Variants in TTN observed in about 807,000 individuals in gnomAD.
TTN encodes the protein titin.
Under a neutral mutation model 3,223.0 loss-of-function variants are expected in TTN, and 1,525 were observed. The observed-to-expected ratio is 0.47, with a 90% CI of 0.45 to 0.49. TTN has a LOEUF of 0.49. Among genes scored for constraint, TTN ranks in the 20% least tolerant of loss-of-function variants. TTN has a pLI of 0.00. For synonymous variants in TTN, 14,094 were observed against 15,161.0 expected (o/e 0.93, Z 5.17); for missense variants, 40,786 against 43,424.0 (o/e 0.94, Z 5.40).
rs1710160121 is a variant in TTN, at chr2:178,576,466, G to A, written c.69716-50C>T. The A allele has an allele frequency of 1.3e-6, 2 of 1,592,350 alleles. No individual in the cohort carries two copies. The highest frequency in any genetic ancestry group is 1.7e-6 in the Non-Finnish European group (2 of 1,174,586). ...AGTATATATTCAGAGTTTGGCTTTT[G>A]GGTAATTTAGATAAAATATTGGCAC... On this transcript the variant is annotated intron_variant, in intron 325 of 362. Coordinates refer to ENST00000589042, the MANE Select transcript of TTN (RefSeq NM_001267550.2). This position sits in a 1 kb window ranked among gnomAD's most constrained non-coding sequence, Gnocchi z 4.3.
At chr2:178,692,782 T>C (rs1200492836) in intron 119 of TTN, among the ~76,000 whole-genome samples, 2 of 152,234 alleles carry the variant, frequency 1.3e-5, no homozygotes, top group Non-Finnish European at 1.5e-5. Context: ...CAGAAGCCTC[T>C]ACTTTGTCAG....
chr2:178,542,411 G>T lies in TTN; in HGVS notation c.97345C>A (p.Pro32449Thr), dbSNP rs1248314451. The change falls in exon 349 of 363, where the codon CCC becomes ACC. Residue 32449 changes from proline to threonine, a missense_variant. Coordinates refer to ENST00000589042, the MANE Select transcript of TTN (RefSeq NM_001267550.2). Reference protein sequence around the residue: ...QRDAHRPGWLPVSESVTRSTF... With the variant: ...QRDAHRPGWLTVSESVTRSTF... ...GACCTAGTCACTGATTCAGAAACGG[G>T]CAGCCATCCTGGACGATGAGCGTCA... The T allele has an allele frequency of 9.9e-6, 16 of 1,613,504 alleles. No individual in the cohort carries two copies. The highest frequency in any genetic ancestry group is 1.4e-5 in the Non-Finnish European group (16 of 1,179,710).
intron 238 of TTN, 109 bp from the exon 239 acceptor site, chr2:178,630,476 A>C (rs1265167960): frequency 7.6e-7 from 1 of 1,314,556 alleles, no homozygotes; most frequent in African/African-American, 1.5e-5. Context: ...ATGGTGATGA[A>C]ACTTTATATA....
In TTN at chr2:178,533,562, G is replaced by A. The variant is rs3731753; in HGVS notation, c.103053C>T (p.Thr34351=). 3.1e-4 allele frequency: 493 copies of A among 1,613,890 alleles called. 3 individuals are homozygous for A. In the East Asian group the frequency reaches 0.01, roughly 33 times the overall value. ...TACTATCTGTTGGAGGTGGGTGTAG[G>A]GTTACTGTCAGCTTTGCTTTACAGC... ...EDSCKAKLTV[T]LHPPPTDSTL... The change falls in exon 358 of 363, where the codon ACC becomes ACT. Residue 34351 remains threonine (T), a synonymous_variant. Coordinates refer to ENST00000589042, the MANE Select transcript of TTN (RefSeq NM_001267550.2).
At chr2:178,658,038 A>C in intron 186 of TTN, 39 bp downstream of exon 186, 1 of 1,555,932 alleles carries the variant, frequency 6.4e-7, no homozygotes, top group East Asian at 2.2e-5. Flanking sequence ...AGGAGAGGAG[A>C]TATCTCTTCT....
chr2:178,799,527 G>A lies in TTN; in HGVS notation c.874C>T (p.Pro292Ser). The A allele has an allele frequency of 6.2e-7, 1 of 1,614,162 alleles. No individual in the cohort carries two copies. The highest frequency in any genetic ancestry group is 8.5e-7 in the Non-Finnish European group (1 of 1,180,026). Residue 292 changes from proline (P) to serine (S), a missense_variant, in exon 6 of 363, where the codon CCG (proline) becomes TCG (serine). Physicochemically the swap from Pro to Ser is moderately conservative, Grantham distance 74. Transcript: ENST00000589042. The stretch of plus-strand genomic sequence containing the variant: ...GTCGGTGCCCGCACGTGTCTGACCG[G>A]GGAAGGGGAGTGTCTTATGGGCGAT... ...SPSPIRHSPS[P>S]VRHVRAPTPS...
rs1180389290 is a variant in TTN at position 178,575,012 on chromosome 2, G to C, written c.71120C>G (p.Thr23707Arg). ...AACCTCTCCTACAATGTTCCTTGCT[G>C]TTAATGGATAGGGCCCACTATCACT... Reference protein sequence around the residue: ...VRSDSGPYPLTARNIVGEVGD... With the variant: ...VRSDSGPYPLRARNIVGEVGD... The change falls in exon 326 of 363, where the codon ACA becomes AGA. Residue 23707 changes from threonine (T) to arginine (R), a missense_variant. Coordinates refer to ENST00000589042, the MANE Select transcript of TTN (RefSeq NM_001267550.2). This position sits in a 1 kb window ranked among gnomAD's most constrained non-coding sequence, Gnocchi z 4.0. 6.2e-7 allele frequency: 1 copy of C among 1,613,286 alleles called. No individual in the cohort carries two copies. The highest frequency in any genetic ancestry group is 8.5e-7 in the Non-Finnish European group (1 of 1,179,620).
Position 178,621,592 on chromosome 2 carries a change from T to C in TTN, c.45232A>G (p.Ile15078Val). 1 of 1,612,528 alleles carries C rather than the reference T, an allele frequency of 6.2e-7. No homozygotes were observed. The highest frequency in any genetic ancestry group is 8.5e-7 in the Non-Finnish European group (1 of 1,179,086). ...ATTCTCTTCCGTCCTTCAGTCAGTA[T>C]TTCATATCTTCCTGTTTCAATGATC... is the stretch of plus-strand genomic sequence containing the variant. ...EEIIETGRYE[I>V]LTEGRKRILV... The change falls in exon 245 of 363, where the codon ATA becomes GTA. Residue 15078 changes from isoleucine to valine, a missense_variant. Coordinates refer to ENST00000589042, the MANE Select transcript of TTN (RefSeq NM_001267550.2).
chr2:178,776,027 C>T lies in TTN; in HGVS notation c.5837G>A (p.Arg1946Lys), dbSNP rs528704132. The T allele has an allele frequency of 1.2e-6, 2 of 1,614,138 alleles. No homozygotes were observed. Among genetic ancestry groups the T allele is most frequent in the African/African-American group, 2.7e-5 (2 of 75,026 alleles). Residue 1946 changes from arginine to lysine, a missense_variant, in exon 28 of 363, where the codon AGG (arginine) becomes AAG (lysine). Transcript: ENST00000589042. ...TGGTTCATGTACGTGAAACTCAGGC[C>T]TTGGTTCAGGAGCTCTCCTAAGGAC... is the stretch of plus-strand genomic sequence containing the variant. ...RSVLRRAPEP[R>K]PEFHVHEPGK...
chr2:178,692,685 T>A, intron 119 of TTN, 105 bp from the exon 120 acceptor site: 1 of 796,538 alleles, frequency 1.3e-6, no homozygotes, highest in Non-Finnish European at 1.9e-6. Context: ...ACCAACTGAA[T>A]GCAAGAAAAT....
intron 47 of TTN, among the ~76,000 whole-genome samples, chr2:178,744,110 T>A (rs554214228): frequency 6.6e-6 from 1 of 151,920 alleles, no homozygotes; most frequent in African/African-American, 2.4e-5. Flanking sequence ...CTTTTGAAAA[T>A]TAAATTTAAA....
In TTN at chr2:178,557,372, A is replaced by T. The variant is rs373621460; in HGVS notation, c.87890T>A (p.Phe29297Tyr). Residue 29297 changes from phenylalanine (F) to tyrosine (Y), a missense_variant, in exon 329 of 363, where the codon TTC (phenylalanine) becomes TAC (tyrosine). Physicochemically the swap from Phe to Tyr is conservative, Grantham distance 22. Transcript: ENST00000589042. ...ANKLVIRTTH[F>Y]KVTTISAGLI... Reference sequence around the variant, plus strand: ...TCCAGCACTGATTGTTGTGACTTTGAAGTGAGTTGTGCGGATGACCAGTTT... The same window carrying T: ...TCCAGCACTGATTGTTGTGACTTTGTAGTGAGTTGTGCGGATGACCAGTTT... 6.2e-7 allele frequency: 1 copy of T among 1,613,944 alleles called. No homozygotes were observed. The highest frequency in any genetic ancestry group is 8.5e-7 in the Non-Finnish European group (1 of 1,179,854).
chr2:178,704,703 A>T lies in TTN; in HGVS notation c.29769T>A (p.Ile9923=). Residue 9923 remains isoleucine (I), a synonymous_variant, in exon 105 of 363, where the codon ATT becomes ATA. Coordinates refer to ENST00000589042, the MANE Select transcript of TTN (RefSeq NM_001267550.2). Reference sequence around the variant, plus strand: ...GCTTGATTTCTGGATAATTAATTTTAATGTCAATTTCAAAGACAGCATCAT... The same window carrying T: ...GCTTGATTTCTGGATAATTAATTTTTATGTCAATTTCAAAGACAGCATCAT... ...KDNDAVFEID[I]KINYPEIKLS... 1 of 1,611,540 alleles carries T rather than the reference A, an allele frequency of 6.2e-7. No individual in the cohort carries two copies. Among genetic ancestry groups the T allele is most frequent in the Non-Finnish European group, 8.5e-7 (1 of 1,179,126 alleles).
At chr2:178,783,087 A>C (rs757367889) in intron 17 of TTN, 23 bp from the exon 18 acceptor site, 5 of 1,612,424 alleles carry the variant, frequency 3.1e-6, no homozygotes, top group Non-Finnish European at 4.2e-6. Flanking sequence ...GAAAAAATAA[A>C]TAATGATACG....
At position 178,620,088 on chromosome 2, in the gene TTN, A is replaced by G. The variant is rs1232874309; in HGVS notation, c.46329T>C (p.Ser15443=). 2 of 1,610,494 alleles carry G rather than the reference A, an allele frequency of 1.2e-6. No individual in the cohort carries two copies. The highest frequency in any genetic ancestry group is 1.7e-5 in the Admixed American group (1 of 59,580). The change falls in exon 249 of 363, where the codon AGT becomes AGC. Residue 15443 remains serine, a synonymous_variant. Coordinates refer to ENST00000589042, the MANE Select transcript of TTN (RefSeq NM_001267550.2). ...GKKYKFEKDG[S]IHRLIIKDCR... Reference sequence around the variant, plus strand: ...AATCTTTTATAATGAGTCTGTGTATACTTCCATCTTTTTCAAATTTGTATC... The same window carrying G: ...AATCTTTTATAATGAGTCTGTGTATGCTTCCATCTTTTTCAAATTTGTATC...
chr2:178,794,093 T>C lies in TTN; in HGVS notation c.1398+306A>G, dbSNP rs192505966. Among the ~76,000 whole-genome samples the C allele has an allele frequency of 2.0e-5, 3 of 152,348 alleles. No homozygotes were observed. In the East Asian group the frequency reaches 5.8e-4, roughly 29 times the overall value. ...GCAGTGACTGAGCTCTGGAATTGAC[T>C]GGTCTCTGTTTCTCTGGCCACTCTT... On this transcript the variant is annotated intron_variant, in intron 8 of 362. Transcript: ENST00000589042.
At chr2:178,783,879 TATAAAA>T (rs1209014382) in intron 16 of TTN, 94 bp from the exon 17 acceptor site, 1 of 1,018,774 alleles carries the variant, frequency 9.8e-7, no homozygotes, top group African/African-American at 1.7e-5. Context: ...ATTATAAAAA[TATAAAA>T]ATAATTATAA....
chr2:178,625,448 G>A, intron 240 of TTN, 52 bp from the exon 241 acceptor site: 2 of 1,463,470 alleles, frequency 1.4e-6, no homozygotes, highest in Middle Eastern at 1.8e-4. Context: ...GTATATGGGT[G>A]CATTTAATTC....
Position 178,570,849 on chromosome 2 carries a change from C to T in TTN, c.75283G>A (p.Glu25095Lys). The change falls in exon 326 of 363, where the codon GAA (glutamate) becomes AAA (lysine). Residue 25095 changes from glutamate to lysine, a missense_variant. By Grantham distance (56) the Glu-to-Lys change is moderately conservative. Coordinates refer to ENST00000589042, the MANE Select transcript of TTN (RefSeq NM_001267550.2). Reference protein sequence around the residue: ...NAAGVFSEPSESTGAITARDE... With the variant: ...NAAGVFSEPSKSTGAITARDE... ...CTAGCTGTTATTGCTCCTGTGCTTT[C>T]TGAAGGCTCACTAAACACTCCTGCG... The T allele has an allele frequency of 6.2e-7, 1 of 1,613,582 alleles. No individual in the cohort carries two copies. The highest frequency in any genetic ancestry group is 8.5e-7 in the Non-Finnish European group (1 of 1,179,640).
Sources: allele counts gnomAD v4.1 joint callset (sites outside exome capture counted in the v4.1 genomes callset), GRCh38; gene constraint gnomAD v4.1.1; non-coding constraint Gnocchi (gnomAD v3.1); transcripts MANE v1.5; gene names NCBI Gene and HGNC (gene_info 2026-07-23, HGNC 2026-07-21).